The following MTFR2 variants were observed in gnomAD, a reference collection of about 807,000 sequenced individuals.
MTFR2 encodes mitochondrial fission regulator 2, also known as DUF729 domain-containing protein 1.
In MTFR2, 44 loss-of-function variants were observed where a neutral mutation model predicts 41.2. That is an observed-to-expected ratio of 1.07 (90% confidence interval 0.84 to 1.37). The LOEUF (loss-of-function observed/expected upper bound fraction) is 1.37, where lower values mean the gene tolerates loss of function less well. Ranked by LOEUF, MTFR2 falls within the 40% of genes most tolerant of loss-of-function variation. The pLI, the probability that MTFR2 is intolerant of heterozygous loss-of-function variation, is 0.00. For synonymous variants in MTFR2, 141 were observed against 154.6 expected (o/e 0.91, Z 0.65); for missense variants, 452 against 459.5 (o/e 0.98, Z 0.15).
intron 6 of MTFR2, among the ~76,000 whole-genome samples, chr6:136,235,789 G>A (rs1779889382): frequency 6.6e-6 from 1 of 152,126 alleles, no homozygotes; most frequent in Non-Finnish European, 1.5e-5. Flanking sequence ...AAAATTAGCT[G>A]AGCATGGTGG....
At chr6:136,247,383 A>C in intron 2 of MTFR2, 1 of 374,234 alleles carries the variant, frequency 2.7e-6, no homozygotes, top group Non-Finnish European at 5.2e-6. Context: ...ACTCTCTCTC[A>C]CTTTCATTCT....
At position 136,239,782 on chromosome 6, in the gene MTFR2, G is replaced by T; in HGVS notation, c.553C>A (p.Gln185Lys). 6.2e-7 allele frequency: 1 copy of T among 1,613,394 alleles called. No individual in the cohort carries two copies. Among genetic ancestry groups the T allele is most frequent in the South Asian group, 1.1e-5 (1 of 91,008 alleles). The change falls in exon 6 of 8, where the codon CAG becomes AAG. Residue 185 changes from glutamine (Q) to lysine (K), a missense_variant. Coordinates refer to ENST00000420702, the MANE Select transcript of MTFR2 (RefSeq NM_001099286.3). ...TGGGCAGCCCGCGATGATGACAGCT[G>T]ACCCAAACTAATGCGCTCGTCACTC... ...GLSDERISLG[Q>K]LSSSRAAHLS...
At chr6:136,243,832 G>A (rs1036434456) in intron 3 of MTFR2, among the ~76,000 whole-genome samples, 3 of 152,086 alleles carry the variant, frequency 2.0e-5, no homozygotes, top group African/African-American at 7.2e-5. Context: ...TATTGCCACT[G>A]AAGGCCTTCC....
intron 6 of MTFR2, among the ~76,000 whole-genome samples, chr6:136,235,447 T>C (rs1467377109): frequency 6.6e-6 from 1 of 151,808 alleles, no homozygotes; most frequent in Non-Finnish European, 1.5e-5. Flanking sequence ...ATACAGCTGG[T>C]ATTTAGAGTC....
At chr6:136,233,534 A>T (rs753341118) in intron 6 of MTFR2, 35 bp from the exon 7 acceptor site, 12 of 1,434,516 alleles carry the variant, frequency 8.4e-6, no homozygotes, top group Non-Finnish European at 4.6e-6. Flanking sequence ...ATTTATTAAA[A>T]CTTGGATGTA....
chr6:136,242,766 A>C, intron 4 of MTFR2, 95 bp downstream of exon 4: 1 of 906,612 alleles, frequency 1.1e-6, no homozygotes. Context: ...TTTGAAGATA[A>C]ACAAAACAAA....
chr6:136,233,320 C>G lies in MTFR2; in HGVS notation c.1044+5G>C. 6.2e-7 allele frequency: 1 copy of G among 1,610,318 alleles called. No individual in the cohort carries two copies. Among genetic ancestry groups the G allele is most frequent in the Non-Finnish European group, 8.5e-7 (1 of 1,177,342 alleles). On this transcript the variant is annotated splice_donor_5th_base_variant and intron_variant, in intron 7 of 7. Transcript: ENST00000420702. The stretch of plus-strand genomic sequence containing the variant: ...AAAAATTAATTTTACATTAGTGTAG[C>G]TTACCCTTGAAGTTTCTGGACTAGA...
chr6:136,241,067 G>C (rs1455085661), intron 5 of MTFR2, among the ~76,000 whole-genome samples: 7 of 150,976 alleles, frequency 4.6e-5, no homozygotes, highest in East Asian at 1.9e-4. Flanking sequence ...CTCCAGCCTG[G>C]GCGACAGAGC....
At chr6:136,234,950 T>G (rs550753618) in intron 6 of MTFR2, among the ~76,000 whole-genome samples, 2 of 152,122 alleles carry the variant, frequency 1.3e-5, no homozygotes, top group African/African-American at 4.8e-5. Context: ...AAGGCTGGAG[T>G]ATAGTGGCTC....
chr6:136,236,714 T>G (rs757587956), intron 6 of MTFR2, among the ~76,000 whole-genome samples: 2 of 152,300 alleles, frequency 1.3e-5, no homozygotes, highest in South Asian at 4.1e-4. Flanking sequence ...TGAGCCCTTC[T>G]GCATCGTTGC....
chr6:136,239,946 G>A, intron 5 of MTFR2, 126 bp from the exon 6 acceptor site: 1 of 707,486 alleles, frequency 1.4e-6, no homozygotes, highest in Admixed American at 3.1e-5. Flanking sequence ...TGGTAGCAAG[G>A]AAAGAGTGTC....
At chr6:136,242,822 G>C (rs1562212422) in intron 4 of MTFR2, 39 bp downstream of exon 4, 3 of 1,501,102 alleles carry the variant, frequency 2.0e-6, no homozygotes, top group Non-Finnish European at 1.8e-6. Context: ...CAAGAATTCA[G>C]TTTATAGCCC....
In MTFR2 at chr6:136,239,903, A is replaced by G. The variant is rs1780012114; in HGVS notation, c.515-83T>C. 7.9e-6 allele frequency: 9 copies of G among 1,140,498 alleles called. No homozygotes were observed. The South Asian group carries it at 1.4e-4, about 18-fold the overall frequency. 70.6% of individuals were successfully genotyped at this position (1,140,498 alleles called of 1,614,324 possible). On this transcript the variant is annotated intron_variant, in intron 5 of 7. Transcript: ENST00000420702. The stretch of plus-strand genomic sequence containing the variant: ...ATTAATAACACTAATTAGAACCAAA[A>G]CAGGAGCAATTTCTGTAATGCTAGT...
rs1011637755 is a variant in MTFR2, at chr6:136,248,693, T to C, written c.63+344A>G. On this transcript the variant is annotated intron_variant, in intron 2 of 7. Coordinates refer to ENST00000420702, the MANE Select transcript of MTFR2 (RefSeq NM_001099286.3). ...ATCATCCTCTTTCCATTAGATTTAT[T>C]CTGGATTTATTGAGCTTTAAATATT... is the stretch of plus-strand genomic sequence containing the variant. 5 of 262,816 alleles carry C rather than the reference T, an allele frequency of 1.9e-5. 1 individual carries two copies. The highest frequency in any genetic ancestry group is 9.3e-5 in the African/African-American group (4 of 43,122). 16.3% of individuals were successfully genotyped at this position (262,816 alleles called of 1,614,324 possible). A position where few individuals can be genotyped will look rare whatever the true frequency, so the allele number is the denominator to read the frequency against.
Position 136,242,882 on chromosome 6 carries a change from T to G in MTFR2, c.260A>C (p.Glu87Ala). Reference protein sequence around the residue: ...ADILYVANDEEASYLRFRNSI... With the variant: ...ADILYVANDEAASYLRFRNSI... ...TTACCGAAATCTGAGATAACTGGCT[T>G]CTTCATCATTTGCCACATACAAAAT... The change falls in exon 4 of 8, where the codon GAA becomes GCA. Residue 87 changes from glutamate (E) to alanine (A), a missense_variant. Coordinates refer to ENST00000420702, the MANE Select transcript of MTFR2 (RefSeq NM_001099286.3). The G allele has an allele frequency of 6.2e-7, 1 of 1,612,846 alleles. No homozygotes were observed.
chr6:136,240,897 C>A (rs530563950), intron 5 of MTFR2, among the ~76,000 whole-genome samples: 3 of 152,152 alleles, frequency 2.0e-5, no homozygotes, highest in Non-Finnish European at 4.4e-5. Flanking sequence ...CGAGACCATC[C>A]TGGCTAACAC....
In MTFR2 at chr6:136,239,715, G is replaced by A. The variant is rs1487661458; in HGVS notation, c.620C>T (p.Ser207Phe). 1.2e-6 allele frequency: 2 copies of A among 1,613,898 alleles called. No individual in the cohort carries two copies. The highest frequency in any genetic ancestry group is 1.7e-6 in the Non-Finnish European group (2 of 1,179,992). Residue 207 changes from serine to phenylalanine, a missense_variant, in exon 6 of 8, where the codon TCT (serine) becomes TTT (phenylalanine). Coordinates refer to ENST00000420702, the MANE Select transcript of MTFR2 (RefSeq NM_001099286.3). ...AGGAAGTGGTGGAGGAGGAGGAGGAGAAAGCACTGAACCTGGAAGCTGATC... is the reference window on the plus strand; with the variant it reads ...AGGAAGTGGTGGAGGAGGAGGAGGAAAAAGCACTGAACCTGGAAGCTGATC... The part of the protein sequence containing the change: ...DPDQLPGSVL[S>F]PPPPPPLPPQ...
intron 6 of MTFR2, among the ~76,000 whole-genome samples, chr6:136,236,464 A>G (rs536696848): frequency 1.3e-5 from 2 of 152,276 alleles, no homozygotes; most frequent in South Asian, 4.1e-4. Context: ...TGTAGAGGCA[A>G]CTCAGGAGAG....
intron 6 of MTFR2, among the ~76,000 whole-genome samples, chr6:136,236,531 T>C (rs988277955): frequency 6.6e-6 from 1 of 152,174 alleles, no homozygotes; most frequent in Non-Finnish European, 1.5e-5. Flanking sequence ...CCAGTGATGG[T>C]AACAGTCACA....
Sources: gnomAD v4.1 joint callset for allele counts (sites outside exome capture counted in the v4.1 genomes callset) on GRCh38, gnomAD v4.1.1 for gene constraint, MANE v1.5 for transcripts, NCBI Gene and HGNC (gene_info 2026-07-23, HGNC 2026-07-21) for gene names.